The following CORIN variants were observed in gnomAD, a reference collection of about 807,000 sequenced individuals.
CORIN encodes atrial natriuretic peptide-converting enzyme.
Under a neutral mutation model 125.3 loss-of-function variants are expected in CORIN, and 117 were observed. The ratio of observed to expected loss-of-function variants is 0.93; its 90% CI spans 0.80 to 1.09. CORIN has a LOEUF of 1.09. CORIN is among the 50% of genes least tolerant of loss of function. CORIN has a pLI of 0.00. For synonymous variants in CORIN, 450 were observed against 466.4 expected (o/e 0.96, Z 0.45); for missense variants, 1,253 against 1,306.7 (o/e 0.96, Z 0.63).
chr4:47,664,864 A>G (rs1035082460), intron 11 of CORIN, among the ~76,000 whole-genome samples, 168 bp downstream of exon 11: 2 of 152,234 alleles, frequency 1.3e-5, no homozygotes, highest in African/African-American at 4.8e-5. Context: ...TCTGACTCAA[A>G]TATTCATTTT....
At chr4:47,613,885 C>T (rs1422610412) in intron 19 of CORIN, among the ~76,000 whole-genome samples, 1 of 151,178 alleles carries the variant, frequency 6.6e-6, no homozygotes, top group Non-Finnish European at 1.5e-5. Context: ...GTGCAGCGCA[C>T]CAGCATGGCA....
At chr4:47,750,615 T>C (rs1400993818) in intron 4 of CORIN, among the ~76,000 whole-genome samples, 1 of 152,116 alleles carries the variant, frequency 6.6e-6, no homozygotes. Flanking sequence ...TTCTGGAACT[T>C]GGAGAGAGTT....
At position 47,693,847 on chromosome 4, in the gene CORIN, A is replaced by G. The variant is rs1357192653; in HGVS notation, c.800-764T>C. On this transcript the variant is annotated intron_variant, in intron 5 of 21. Coordinates refer to ENST00000273857, the MANE Select transcript of CORIN (RefSeq NM_006587.4). Reference sequence around the variant, plus strand: ...CAAAAAGATACAAAATTTTTCAGGAAGACCATTAATAAAAGGATAAATCAG... The same window carrying G: ...CAAAAAGATACAAAATTTTTCAGGAGGACCATTAATAAAAGGATAAATCAG... Among the ~76,000 whole-genome samples the G allele has an allele frequency of 2.0e-5, 3 of 152,312 alleles. No homozygotes were observed. The East Asian group carries it at 5.8e-4, about 29-fold the overall frequency.
At chr4:47,800,713 C>T (rs1731503687) in intron 2 of CORIN, among the ~76,000 whole-genome samples, 2 of 152,224 alleles carry the variant, frequency 1.3e-5, no homozygotes, top group African/African-American at 2.4e-5. Context: ...GAGCAAGAAG[C>T]GACTAAATCT....
At chr4:47,792,206 A>G (rs757670681) in intron 2 of CORIN, among the ~76,000 whole-genome samples, 2 of 152,196 alleles carry the variant, frequency 1.3e-5, no homozygotes, top group Non-Finnish European at 2.9e-5. Context: ...GCCCAGCAGC[A>G]AGTAATTTAA....
At chr4:47,648,635 G>A (rs1723599724) in intron 13 of CORIN, among the ~76,000 whole-genome samples, 1 of 152,164 alleles carries the variant, frequency 6.6e-6, no homozygotes, top group Non-Finnish European at 1.5e-5. Context: ...CAAAGCAGAT[G>A]CTTTTTGTTC....
At chr4:47,713,710 A>G (rs1395342663) in intron 5 of CORIN, among the ~76,000 whole-genome samples, 1 of 152,138 alleles carries the variant, frequency 6.6e-6, no homozygotes, top group Admixed American at 6.6e-5. Context: ...CTGCACCAGT[A>G]ACTGTACCCC....
chr4:47,783,688 A>ACAT (rs1730650092), intron 3 of CORIN, among the ~76,000 whole-genome samples: 1 of 152,150 alleles, frequency 6.6e-6, no homozygotes, highest in Admixed American at 6.5e-5. Flanking sequence ...CTCAGTGTTA[A>ACAT]TACAGATCTA....
At chr4:47,659,926 A>T (rs1025930542) in intron 12 of CORIN, among the ~76,000 whole-genome samples, 1 of 152,216 alleles carries the variant, frequency 6.6e-6, no homozygotes, top group Non-Finnish European at 1.5e-5. Flanking sequence ...GAATCACATT[A>T]CCTGACTTCA....
At chr4:47,674,826 C>A (rs1724940645) in intron 9 of CORIN, among the ~76,000 whole-genome samples, 1 of 152,066 alleles carries the variant, frequency 6.6e-6, no homozygotes, top group Non-Finnish European at 1.5e-5. Context: ...AAATAAAATT[C>A]AAGAGATTTG....
chr4:47,821,708 A>G (rs1459662903), intron 1 of CORIN, among the ~76,000 whole-genome samples: 1 of 152,138 alleles, frequency 6.6e-6, no homozygotes, highest in African/African-American at 2.4e-5. Context: ...TGATTGTCTC[A>G]TTTCTTCCCA....
chr4:47,712,290 A>T (rs2109779552), intron 5 of CORIN, among the ~76,000 whole-genome samples: 1 of 152,240 alleles, frequency 6.6e-6, no homozygotes, highest in Non-Finnish European at 1.5e-5. Flanking sequence ...TCATTTAATT[A>T]TTTTTATTTT....
chr4:47,680,320 C>A, intron 7 of CORIN, 69 bp from the exon 8 acceptor site: 1 of 1,054,432 alleles, frequency 9.5e-7, no homozygotes, highest in South Asian at 1.4e-5. Context: ...CTATGGCTCC[C>A]AGTTCCCATC....
chr4:47,746,865 G>A (rs1487751172), intron 4 of CORIN, among the ~76,000 whole-genome samples: 2 of 152,144 alleles, frequency 1.3e-5, no homozygotes, highest in African/African-American at 4.8e-5. Flanking sequence ...CACTTTGTGA[G>A]TGGCACCATC....
At chr4:47,790,526 T>C (rs1032483012) in intron 2 of CORIN, among the ~76,000 whole-genome samples, 1 of 152,190 alleles carries the variant, frequency 6.6e-6, no homozygotes, top group African/African-American at 2.4e-5. Flanking sequence ...GAGCCTAATC[T>C]TTCATGGCTG....
intron 16 of CORIN, among the ~76,000 whole-genome samples, chr4:47,637,322 C>A (rs1356198424): frequency 6.6e-6 from 1 of 152,186 alleles, no homozygotes; most frequent in Non-Finnish European, 1.5e-5. Context: ...AAAGAAAATA[C>A]CATTTTCTGA....
At chr4:47,837,788 G>A in intron 1 of CORIN, 99 bp downstream of exon 1, 2 of 1,045,354 alleles carry the variant, frequency 1.9e-6, no homozygotes, top group Admixed American at 1.7e-5. Flanking sequence ...GGCATCGGGC[G>A]GAGGAGAGGA....
At chr4:47,611,683 G>C (rs970556201) in intron 19 of CORIN, among the ~76,000 whole-genome samples, 1 of 152,182 alleles carries the variant, frequency 6.6e-6, no homozygotes, top group African/African-American at 2.4e-5. Flanking sequence ...GTTTCCAAGG[G>C]GAATGCTTCC....
intron 3 of CORIN, among the ~76,000 whole-genome samples, chr4:47,772,107 A>C (rs970829845): frequency 3.9e-5 from 6 of 152,014 alleles, no homozygotes; most frequent in Admixed American, 2.0e-4. Flanking sequence ...ATAGATAGAT[A>C]GATAGATAGG....
Sources: allele counts gnomAD v4.1 joint callset (sites outside exome capture counted in the v4.1 genomes callset), GRCh38; gene constraint gnomAD v4.1.1; transcripts MANE v1.5; gene names NCBI Gene and HGNC (gene_info 2026-07-23, HGNC 2026-07-21).